The following EPB41L4A variants were observed in gnomAD, a reference collection of about 807,000 sequenced individuals.
The protein encoded by EPB41L4A is erythrocyte membrane protein band 4.1 like 4A, also known as band 4.1-like protein 4A.
A neutral mutation model predicts 108.6 loss-of-function variants in EPB41L4A; 100 were observed. The ratio of observed to expected loss-of-function variants is 0.92; its 90% confidence interval spans 0.78 to 1.09. EPB41L4A has a LOEUF of 1.09. EPB41L4A is among the 50% of genes least tolerant of loss of function. The pLI is 0.00. For synonymous variants in EPB41L4A, 319 were observed against 289.0 expected (o/e 1.10, Z -1.05); for missense variants, 1,030 against 842.7 (o/e 1.22, Z -2.75).
intron 9 of EPB41L4A, among the ~76,000 whole-genome samples, chr5:112,257,636 T>G (rs926618124): frequency 6.6e-6 from 1 of 152,220 alleles, no homozygotes; most frequent in Non-Finnish European, 1.5e-5. Flanking sequence ...TAGACATATA[T>G]TTTAAGGCAC....
intron 12 of EPB41L4A, among the ~76,000 whole-genome samples, chr5:112,224,014 C>T (rs1051501611): frequency 1.1e-4 from 16 of 152,178 alleles, no homozygotes; most frequent in African/African-American, 3.9e-4. Context: ...TGCAGTGGCG[C>T]GATCTCGGCT....
At position 112,165,086 on chromosome 5, in the gene EPB41L4A, T is replaced by C. The variant is rs1760156863; in HGVS notation, c.1965A>G (p.Glu655=). The change falls in exon 23 of 23, where the codon GAA becomes GAG. Residue 655 remains glutamate, a synonymous_variant. Transcript: ENST00000261486. ...RRNGSKDSLM[E]EKPQTSTNNL... is the part of the protein sequence containing the mutation. The stretch of plus-strand genomic sequence containing the variant: ...TGTTTGTAGATGTCTGAGGTTTTTC[T>C]TCCATCAGGCTATCTTTAGACCCAT... 6.2e-7 allele frequency: 1 copy of C among 1,605,904 alleles called. No homozygotes were observed. The highest frequency in any genetic ancestry group is 8.5e-7 in the Non-Finnish European group (1 of 1,177,080).
At chr5:112,412,910 G>T (rs1052165932) in intron 1 of EPB41L4A, among the ~76,000 whole-genome samples, 1 of 152,218 alleles carries the variant, frequency 6.6e-6, no homozygotes, top group Non-Finnish European at 1.5e-5. Context: ...AATATTTAAT[G>T]TATTTACACC....
At chr5:112,395,115 A>C (rs1363469740) in intron 1 of EPB41L4A, among the ~76,000 whole-genome samples, 4 of 152,244 alleles carry the variant, frequency 2.6e-5, no homozygotes, top group African/African-American at 9.6e-5. Context: ...TAAAGACTTA[A>C]ATGTTAGCCC....
chr5:112,228,196 C>T (rs1464820990), intron 12 of EPB41L4A: 2 of 152,188 alleles, frequency 1.3e-5, no homozygotes, highest in African/African-American at 4.8e-5. Context: ...TTTAACTTAG[C>T]ACACAAAGTC....
chr5:112,234,983 A>C (rs1327241431), intron 11 of EPB41L4A, among the ~76,000 whole-genome samples: 3 of 152,206 alleles, frequency 2.0e-5, no homozygotes, highest in Non-Finnish European at 4.4e-5. Context: ...AAACAGGAAG[A>C]AAGAATTTAT....
intron 1 of EPB41L4A, among the ~76,000 whole-genome samples, chr5:112,340,668 CT>C (rs1757255700): frequency 6.6e-6 from 1 of 151,904 alleles, no homozygotes; most frequent in Non-Finnish European, 1.5e-5. Context: ...TTATTTTTAC[CT>C]TTTATATTCG....
At chr5:112,262,165 T>C (rs186459027) in intron 7 of EPB41L4A, among the ~76,000 whole-genome samples, 1 of 152,302 alleles carries the variant, frequency 6.6e-6, no homozygotes, top group East Asian at 1.9e-4. Context: ...GTGCTGGGAT[T>C]ACTTACAGGC....
chr5:112,218,323 A>T (rs1390012808), intron 12 of EPB41L4A, among the ~76,000 whole-genome samples: 2 of 152,230 alleles, frequency 1.3e-5, no homozygotes, highest in African/African-American at 4.8e-5. Context: ...ACACCTATCT[A>T]TGAATGGTCA....
intron 1 of EPB41L4A, among the ~76,000 whole-genome samples, chr5:112,360,582 T>A (rs1159729482): frequency 6.6e-6 from 1 of 152,218 alleles, no homozygotes; most frequent in Non-Finnish European, 1.5e-5. Context: ...GTGCTCAATG[T>A]TGCCCAGGCT....
intron 15 of EPB41L4A, among the ~76,000 whole-genome samples, chr5:112,201,969 C>T (rs559003314): frequency 1.3e-5 from 2 of 152,272 alleles, no homozygotes; most frequent in South Asian, 4.1e-4. Context: ...TTCATTGGTA[C>T]TCAGCCTCTA....
chr5:112,161,617 T>C (rs1759910048), downstream of EPB41L4A: 1 of 519,182 alleles, frequency 1.9e-6, no homozygotes. Flanking sequence ...AAGTAACAGT[T>C]GCTGCTTTTA....
At chr5:112,184,220 T>C (rs1761313167) in intron 17 of EPB41L4A, 85 bp from the exon 18 acceptor site, 3 of 1,502,392 alleles carry the variant, frequency 2.0e-6, no homozygotes, top group Admixed American at 4.2e-5. Context: ...TTAAATGTTA[T>C]TTAAGCAGCA....
intron 2 of EPB41L4A, among the ~76,000 whole-genome samples, chr5:112,307,008 C>T (rs529028696): frequency 6.6e-6 from 1 of 152,098 alleles, no homozygotes; most frequent in Non-Finnish European, 1.5e-5. Context: ...CTAACCATTC[C>T]CTTTCTTAAA....
intron 15 of EPB41L4A, among the ~76,000 whole-genome samples, chr5:112,201,448 G>A (rs145955050): frequency 3.6e-4 from 55 of 152,236 alleles, no homozygotes; most frequent in African/African-American, 1.3e-3. Context: ...ACTATTTCAA[G>A]CAATTATTTT....
In EPB41L4A at chr5:112,189,230, T is replaced by C. The variant is rs1332602552; in HGVS notation, c.1503-5095A>G. 2.6e-5 allele frequency among the ~76,000 whole-genome samples: 4 copies of C among 152,202 alleles called. No individual in the cohort carries two copies. In the East Asian group the frequency reaches 7.7e-4, roughly 29 times the overall value. ...CAGATCCTGCAGGAACTTCAGAAAA[T>C]ACTGAGCAGTGCTGGATGTTATCAA... is the stretch of plus-strand genomic sequence containing the variant. On this transcript the variant is annotated intron_variant, in intron 17 of 22. Coordinates refer to ENST00000261486, the MANE Select transcript of EPB41L4A (RefSeq NM_022140.5).
chr5:112,375,158 T>G (rs1210962464), intron 1 of EPB41L4A, among the ~76,000 whole-genome samples: 1 of 152,136 alleles, frequency 6.6e-6, no homozygotes, highest in Non-Finnish European at 1.5e-5. Context: ...GAGACTTACT[T>G]GCTCAGAGGA....
chr5:112,313,854 CTTTCTT>C (rs1211047597), intron 1 of EPB41L4A, among the ~76,000 whole-genome samples: 2 of 127,068 alleles, frequency 1.6e-5, no homozygotes, highest in African/African-American at 6.4e-5. Flanking sequence ...AAAAAGGTAA[CTTTCTT>C]TTTTTTTTTT....
chr5:112,386,319 T>C (rs969926862), intron 1 of EPB41L4A, among the ~76,000 whole-genome samples: 1 of 152,234 alleles, frequency 6.6e-6, no homozygotes, highest in Non-Finnish European at 1.5e-5. Context: ...TCCTGTCTAA[T>C]GCTAAATCAT....
Sources: allele counts gnomAD v4.1 joint callset (sites outside exome capture counted in the v4.1 genomes callset), GRCh38; gene constraint gnomAD v4.1.1; transcripts MANE v1.5; gene names NCBI Gene and HGNC (gene_info 2026-07-23, HGNC 2026-07-21).